Variants in ANO2 observed in about 807,000 individuals in gnomAD.
The protein encoded by ANO2 is anoctamin 2.
Under a neutral mutation model 124.2 loss-of-function variants are expected in ANO2, and 101 were observed. That is an observed-to-expected ratio of 0.81 (90% CI 0.69 to 0.96). The LOEUF is 0.96. Among genes scored for constraint, ANO2 ranks in the 40% least tolerant of loss-of-function variants. The probability of loss-of-function intolerance (pLI) is 0.00; values close to 1 mark genes in which losing one functional copy is unlikely to be tolerated. For synonymous variants in ANO2, 486 were observed against 482.5 expected (o/e 1.01, Z -0.09); for missense variants, 1,293 against 1,274.5 (o/e 1.01, Z -0.22).
At chr12:5,634,664 G>A (rs1428103396) in intron 16 of ANO2, among the ~76,000 whole-genome samples, 2 of 152,178 alleles carry the variant, frequency 1.3e-5, no homozygotes, top group African/African-American at 4.8e-5. Context: ...TCTACTCAGT[G>A]CCTGGGGAAT....
At chr12:5,652,652 G>T (rs1946968071) in intron 14 of ANO2, among the ~76,000 whole-genome samples, 1 of 151,944 alleles carries the variant, frequency 6.6e-6, no homozygotes, top group South Asian at 2.1e-4. Flanking sequence ...GTATTTTGTA[G>T]AATGTCCCTC....
chr12:5,921,942 C>T (rs1941727328), intron 2 of ANO2, among the ~76,000 whole-genome samples: 2 of 152,182 alleles, frequency 1.3e-5, no homozygotes, highest in African/African-American at 4.8e-5. Context: ...ACACAGAATA[C>T]TCACAGGCAG....
rs147865692 is a variant in ANO2 at position 5,889,534 on chromosome 12, A to G, written c.534+31506T>C. On this transcript the variant is annotated intron_variant, in intron 3 of 24. Transcript: ENST00000682330. Reference sequence around the variant, plus strand: ...TAAGTGTCCAGGAGCGCAGGTGAGGAAATCAGGACAACTCCACAAAGGTGG... The same window carrying G: ...TAAGTGTCCAGGAGCGCAGGTGAGGGAATCAGGACAACTCCACAAAGGTGG... Among the ~76,000 whole-genome samples, 827 of 152,380 alleles carry G rather than the reference A, an allele frequency of 5.4e-3. 6 individuals carry two copies. Among genetic ancestry groups the G allele is most frequent in the African/African-American group, 0.019 (803 of 41,598 alleles).
At position 5,611,484 on chromosome 12, in the gene ANO2, T is replaced by G. The variant is rs577523454; in HGVS notation, c.2087+1172A>C. ...ATGAGCCATGAGATAGAGGCAGTGGTGTCCCCTGCAAGTCCCCCTACAGTG... is the reference window on the plus strand; with the variant it reads ...ATGAGCCATGAGATAGAGGCAGTGGGGTCCCCTGCAAGTCCCCCTACAGTG... On this transcript the variant is annotated intron_variant, in intron 19 of 24. Coordinates refer to ENST00000682330, the MANE Select transcript of ANO2 (RefSeq NM_001364791.2). 2.6e-5 allele frequency among the ~76,000 whole-genome samples: 4 copies of G among 152,298 alleles called. No individual in the cohort carries two copies. The East Asian group carries it at 7.7e-4, about 29-fold the overall frequency.
intron 3 of ANO2, among the ~76,000 whole-genome samples, chr12:5,906,347 TAA>T (rs751453765): frequency 0.084 from 11,205 of 132,634 alleles, 831 homozygotes; most frequent in African/African-American, 0.2. Flanking sequence ...CACACATTGT[TAA>T]AAAAAAAAAA....
At chr12:5,907,364 T>C (rs889153244) in intron 3 of ANO2, among the ~76,000 whole-genome samples, 1 of 152,246 alleles carries the variant, frequency 6.6e-6, no homozygotes, top group Non-Finnish European at 1.5e-5. Context: ...ACGCCTAAAA[T>C]TAGGAATCTA....
chr12:5,592,318 G>A (rs1184753916), intron 20 of ANO2, among the ~76,000 whole-genome samples: 1 of 152,108 alleles, frequency 6.6e-6, no homozygotes, highest in Admixed American at 6.6e-5. Flanking sequence ...GTTTGAAAGG[G>A]TGCAGGTACA....
intron 1 of ANO2, among the ~76,000 whole-genome samples, chr12:5,938,985 G>A (rs552530720): frequency 1.3e-5 from 2 of 151,572 alleles, no homozygotes; most frequent in South Asian, 2.1e-4. Flanking sequence ...TTGAGAGGCC[G>A]AGGCAGGCGG....
chr12:5,841,202 T>C (rs1167516634), intron 4 of ANO2, among the ~76,000 whole-genome samples: 5 of 152,172 alleles, frequency 3.3e-5, no homozygotes, highest in Non-Finnish European at 5.9e-5. Flanking sequence ...CATTAAGCCT[T>C]TCAGCGATCA....
At chr12:5,719,684 A>T (rs1204310179) in intron 14 of ANO2, among the ~76,000 whole-genome samples, 1 of 152,214 alleles carries the variant, frequency 6.6e-6, no homozygotes, top group Non-Finnish European at 1.5e-5. Flanking sequence ...GAACTGTGAG[A>T]AATAAGTTTC....
intron 3 of ANO2, among the ~76,000 whole-genome samples, chr12:5,877,065 C>G (rs1055550263): frequency 1.3e-5 from 2 of 152,132 alleles, no homozygotes; most frequent in African/African-American, 4.8e-5. Flanking sequence ...TTGAGTAGCG[C>G]CCTTACCCTG....
rs1565437853 is a variant in ANO2 at position 5,583,481 on chromosome 12, G to GAT, written c.2234-4964_2234-4963insAT. ...ATCTTGGCTAACACGGTGAAACCCC[G>GAT]TCTCTACTAAAAATACAAAAAATTA... On this transcript the variant is annotated intron_variant, in intron 20 of 24. Coordinates refer to ENST00000682330, the MANE Select transcript of ANO2 (RefSeq NM_001364791.2). Among the ~76,000 whole-genome samples the GAT allele has an allele frequency of 6.0e-5, 9 of 151,240 alleles. No homozygotes were observed. In the East Asian group the frequency reaches 1.2e-3, roughly 20 times the overall value.
chr12:5,887,075 A>G (rs544648158), intron 3 of ANO2, among the ~76,000 whole-genome samples: 1 of 152,374 alleles, frequency 6.6e-6, no homozygotes, highest in East Asian at 1.9e-4. Flanking sequence ...TGAAACGGCT[A>G]AAATGGTAAA....
chr12:5,896,005 C>T (rs1160926917), intron 3 of ANO2, among the ~76,000 whole-genome samples: 1 of 152,016 alleles, frequency 6.6e-6, no homozygotes, highest in Admixed American at 6.6e-5. Context: ...AGCTGGAGGC[C>T]ATTATTCTAA....
intron 23 of ANO2, among the ~76,000 whole-genome samples, chr12:5,570,565 G>A (rs1205397915): frequency 6.6e-6 from 1 of 152,146 alleles, no homozygotes; most frequent in African/African-American, 2.4e-5. Flanking sequence ...GGGCTCAGAT[G>A]TCCTCATCCT....
Position 5,852,055 on chromosome 12 carries a change from G to A in ANO2, c.633+1988C>T. The A allele has an allele frequency of 1.4e-5, 10 of 702,826 alleles. No individual in the cohort carries two copies. The South Asian group carries it at 1.5e-4, about 10-fold the overall frequency. 43.5% of individuals were successfully genotyped at this position (702,826 alleles called of 1,614,324 possible). The stretch of plus-strand genomic sequence containing the variant: ...ATTACACATTCAGATAAACCAGAGA[G>A]AAAGGAGAATAATATATTGGAGTTA... On this transcript the variant is annotated intron_variant, in intron 4 of 24. Coordinates refer to ENST00000682330, the MANE Select transcript of ANO2 (RefSeq NM_001364791.2).
chr12:5,702,506 G>T (rs1211110815), intron 14 of ANO2, among the ~76,000 whole-genome samples: 3 of 148,626 alleles, frequency 2.0e-5, no homozygotes, highest in African/African-American at 7.5e-5. Context: ...GAGCAAAAGA[G>T]AACAACAACT....
intron 7 of ANO2, among the ~76,000 whole-genome samples, chr12:5,812,227 A>G (rs1591644799): frequency 9.1e-6 from 1 of 110,194 alleles, no homozygotes; most frequent in African/African-American, 3.5e-5. Context: ...AGGGAAGGGA[A>G]GGGGGAAGGG....
intron 24 of ANO2, 72 bp downstream of exon 24, chr12:5,565,486 A>T: frequency 7.6e-7 from 1 of 1,309,608 alleles, no homozygotes; most frequent in Non-Finnish European, 1.1e-6. Context: ...AGGTAGGTGC[A>T]AGCAATGAGT....
Sources: allele counts gnomAD v4.1 joint callset (sites outside exome capture counted in the v4.1 genomes callset), GRCh38; gene constraint gnomAD v4.1.1; transcripts MANE v1.5; gene names NCBI Gene and HGNC (gene_info 2026-07-23, HGNC 2026-07-21).